The following PIEZO1 variants were observed in gnomAD, a reference collection of about 807,000 sequenced individuals.
The protein encoded by PIEZO1 is piezo-type mechanosensitive ion channel component 1.
PIEZO1 carries 296 observed loss-of-function variants against 297.2 expected under a neutral mutation model. That is an observed-to-expected ratio of 1.00 (90% CI 0.91 to 1.10). The LOEUF is 1.10. Ranked by LOEUF, PIEZO1 falls within the 50% of genes least tolerant of loss-of-function variation. The pLI is 0.00. For missense variants in PIEZO1, 5,018 were observed against 3,455.5 expected, an observed-to-expected ratio of 1.45 and a Z score of -11.34; for synonymous variants, 2,427 against 1,507.5, an observed-to-expected ratio of 1.61 and a Z score of -14.13.
At chr16:88,753,026 A>T (rs572271785) in intron 1 of PIEZO1, among the ~76,000 whole-genome samples, 54 of 151,758 alleles carry the variant, frequency 3.6e-4, no homozygotes, top group Non-Finnish European at 6.9e-4. Flanking sequence ...CACCAACAAC[A>T]CAGACAAGGA....
chr16:88,771,608 CA>C (rs1907427232), intron 1 of PIEZO1, among the ~76,000 whole-genome samples: 1 of 152,228 alleles, frequency 6.6e-6, no homozygotes, highest in Non-Finnish European at 1.5e-5. Context: ...GCGGAGGTCC[CA>C]AGCTAGCCAT....
chr16:88,757,007 T>C (rs938268617), intron 1 of PIEZO1, among the ~76,000 whole-genome samples: 20 of 151,946 alleles, frequency 1.3e-4, no homozygotes, highest in Admixed American at 9.2e-4. Context: ...ACCCAGGAGA[T>C]GGAGCTTGCA....
intron 1 of PIEZO1, among the ~76,000 whole-genome samples, chr16:88,780,866 A>C (rs1188021808): frequency 6.6e-6 from 1 of 152,232 alleles, no homozygotes; most frequent in East Asian, 1.9e-4. Flanking sequence ...CTGAGGCAGG[A>C]GGATGGCTTG....
Position 88,722,966 on chromosome 16 carries a change from G to A in PIEZO1, c.4539C>T (p.Phe1513=). The change falls in exon 34 of 51, where the codon TTC becomes TTT. Residue 1513 remains phenylalanine (F), a synonymous_variant. Transcript: ENST00000301015. ...CTAGCGCCTGCCCCAGCATCCACAG[G>A]AACTGCGCCGTGCTCAGCACCCTCT... ...VVQRVLSTAQ[F]LWMLGQALVD... 2 of 1,543,570 alleles carry A rather than the reference G, an allele frequency of 1.3e-6. No homozygotes were observed. The highest frequency in any genetic ancestry group is 1.7e-6 in the Non-Finnish European group (2 of 1,144,028).
At position 88,720,167 on chromosome 16, in the gene PIEZO1, G is replaced by A. The variant is rs916635708; in HGVS notation, c.6066C>T (p.Tyr2022=). The stretch of plus-strand genomic sequence containing the variant: ...GCTTGCCCAGCACGGTCTTGCGCAG[G>A]TAGAGGGCGCGGTCAACCACCATGG... ...FSTMVVDRAL[Y]LRKTVLGKLA... Residue 2022 remains tyrosine, a synonymous_variant, in exon 42 of 51, where the codon TAC becomes TAT. Coordinates refer to ENST00000301015, the MANE Select transcript of PIEZO1 (RefSeq NM_001142864.4). 1.2e-5 allele frequency: 18 copies of A among 1,550,368 alleles called. No homozygotes were observed. Among genetic ancestry groups the A allele is most frequent in the Admixed American group, 9.8e-5 (5 of 50,988 alleles).
At chr16:88,773,829 C>CA (rs1907536892) in intron 1 of PIEZO1, among the ~76,000 whole-genome samples, 1 of 152,104 alleles carries the variant, frequency 6.6e-6, no homozygotes, top group East Asian at 1.9e-4. Flanking sequence ...GGAAGAGGGT[C>CA]ACTCGACCCC....
chr16:88,722,425 A>G, intron 35 of PIEZO1, 28 bp from the exon 36 acceptor site: 2 of 1,480,440 alleles, frequency 1.4e-6, no homozygotes, highest in South Asian at 1.4e-5. Flanking sequence ...GTCACAGAGA[A>G]TCCTGCTCTA....
intron 1 of PIEZO1, among the ~76,000 whole-genome samples, chr16:88,761,164 G>A (rs1567689340): frequency 6.6e-6 from 1 of 152,200 alleles, no homozygotes; most frequent in South Asian, 2.1e-4. Context: ...ACGTGGGTGG[G>A]ACTGGGGGAA....
chr16:88,738,749 C>T lies in PIEZO1; in HGVS notation c.466-13G>A, dbSNP rs763992591. On this transcript the variant is annotated splice_polypyrimidine_tract_variant and intron_variant, in intron 5 of 50. Transcript: ENST00000301015. ...TCTCATCATCATCCTGCCAAGGTCA[C>T]GGACAGGGGCAAGGTCAGGTGTATC... is the stretch of plus-strand genomic sequence containing the variant. The T allele has an allele frequency of 2.0e-5, 31 of 1,523,652 alleles. No individual in the cohort carries two copies. Among genetic ancestry groups the T allele is most frequent in the African/African-American group, 6.9e-5 (5 of 72,826 alleles). The allele number at this position is 1,523,652 out of a possible 1,614,324, so 94.4% of individuals were successfully genotyped here. A position where few individuals can be genotyped will look rare whatever the true frequency, so the allele number is the denominator to read the frequency against.
chr16:88,742,209 G>A, intron 3 of PIEZO1, 91 bp downstream of exon 3: 1 of 1,501,518 alleles, frequency 6.7e-7, no homozygotes, highest in South Asian at 1.2e-5. Flanking sequence ...ATCAGGCTGA[G>A]TCAACCCCCC....
rs567935600 is a variant in PIEZO1, at chr16:88,738,529, C to T, written c.634+39G>A. Reference sequence around the variant, plus strand: ...TCATCAGGGAACTCCCAAGACCCCTCCCAGTGTGACTGCCAGTGCCCCCTG... The same window carrying T: ...TCATCAGGGAACTCCCAAGACCCCTTCCAGTGTGACTGCCAGTGCCCCCTG... On this transcript the variant is annotated intron_variant, in intron 6 of 50. Transcript: ENST00000301015. 1.7e-4 allele frequency: 255 copies of T among 1,530,976 alleles called. 1 individual carries two copies. In the South Asian group the frequency reaches 2.5e-3, roughly 15 times the overall value. 94.8% of individuals were successfully genotyped at this position (1,530,976 alleles called of 1,614,324 possible). A position where few individuals can be genotyped will look rare whatever the true frequency, so the allele number is the denominator to read the frequency against.
At chr16:88,733,508 GGCTGGGCTTGGGGAGGCCA>G in intron 18 of PIEZO1, 54 bp from the exon 19 acceptor site, 2 of 1,531,812 alleles carry the variant, frequency 1.3e-6, no homozygotes, top group Non-Finnish European at 1.8e-6. Context: ...GGGCACGTGG[GGCTGGGCTTGGGGAGGCCA>G]GCTGGGCAGG....
At chr16:88,739,020 T>A in intron 5 of PIEZO1, 2 of 521,316 alleles carry the variant, frequency 3.8e-6, no homozygotes, top group Non-Finnish European at 6.9e-6. Context: ...AGGCACGTGA[T>A]GACCTTGCCA....
At chr16:88,717,874 T>TGTC (rs1480505496) in intron 44 of PIEZO1, 9 of 422,854 alleles carry the variant, frequency 2.1e-5, no homozygotes, top group Middle Eastern at 7.6e-4. Context: ...GGCTCACACT[T>TGTC]GTCATCCCAG....
intron 1 of PIEZO1, among the ~76,000 whole-genome samples, chr16:88,752,850 C>T (rs1906458198): frequency 1.3e-5 from 2 of 151,808 alleles, no homozygotes; most frequent in African/African-American, 2.4e-5. Flanking sequence ...AGCAACACGC[C>T]CCCCAGAGTT....
Position 88,725,945 on chromosome 16 carries a change from C to T in PIEZO1, c.3969-261G>A, listed in dbSNP as rs1904393460. 3.0e-5 allele frequency: 17 copies of T among 568,372 alleles called. No individual in the cohort carries two copies. In the South Asian group the frequency reaches 3.0e-4, roughly 10 times the overall value. 35.2% of individuals were successfully genotyped at this position (568,372 alleles called of 1,614,324 possible). On this transcript the variant is annotated intron_variant, in intron 27 of 50. Transcript: ENST00000301015. ...GCTGCAGGGAAGAAGGCAAAGCTGG[C>T]CCCAAGCCAGAACCCCTCCCTGGGG... is the stretch of plus-strand genomic sequence containing the variant.
At position 88,785,140 on chromosome 16, in the gene PIEZO1, T is replaced by G; in HGVS notation, c.-176A>C. On this transcript the variant is annotated 5_prime_UTR_variant, in exon 1 of 51. Coordinates refer to ENST00000301015, the MANE Select transcript of PIEZO1 (RefSeq NM_001142864.4). Reference sequence around the variant, plus strand: ...CGGTGCCGACGTCCCGGGCCCGCGCTCGCTCAGGCGACCGCCCTGCCCCTC... The same window carrying G: ...CGGTGCCGACGTCCCGGGCCCGCGCGCGCTCAGGCGACCGCCCTGCCCCTC... The G allele has an allele frequency of 3.0e-6, 1 of 328,614 alleles. No homozygotes were observed. The highest frequency in any genetic ancestry group is 5.2e-6 in the Non-Finnish European group (1 of 193,360). The allele number at this position is 328,614 out of a possible 1,614,324, so 20.4% of individuals were successfully genotyped here. A position where few individuals can be genotyped will look rare whatever the true frequency, so the allele number is the denominator to read the frequency against.
chr16:88,750,164 G>A (rs1449270101), intron 1 of PIEZO1, among the ~76,000 whole-genome samples: 2 of 151,300 alleles, frequency 1.3e-5, no homozygotes, highest in Non-Finnish European at 2.9e-5. Context: ...GTGAATCCCT[G>A]TCTTGACAAA....
In PIEZO1 at chr16:88,721,339, C is replaced by A; in HGVS notation, c.5495G>T (p.Gly1832Val). 6.5e-7 allele frequency: 1 copy of A among 1,548,024 alleles called. No individual in the cohort carries two copies. Among genetic ancestry groups the A allele is most frequent in the African/African-American group, 1.4e-5 (1 of 73,124 alleles). ...GTCTTCGGTGGTGGCCGCAGGCACC[C>A]CTGGCCCCTCCTCGGCTCCCTGCTC... is the stretch of plus-strand genomic sequence containing the variant. ...EEEQGAEEGP[G>V]VPAATTEDHI... Residue 1832 changes from glycine (G) to valine (V), a missense_variant, in exon 39 of 51, where the codon GGG becomes GTG. By Grantham distance (109) the Gly-to-Val change is moderately radical. Transcript: ENST00000301015.
Sources: allele counts gnomAD v4.1 joint callset (sites outside exome capture counted in the v4.1 genomes callset), GRCh38; gene constraint gnomAD v4.1.1; transcripts MANE v1.5; gene names NCBI Gene and HGNC (gene_info 2026-07-23, HGNC 2026-07-21).